Variants in PLSCR4 observed in about 807,000 individuals in gnomAD.
PLSCR4 encodes the protein phospholipid scramblase 4, also known as Ca(2+)-dependent phospholipid scramblase 4.
PLSCR4 carries 25 observed loss-of-function variants against 36.3 expected under a neutral mutation model. The observed-to-expected ratio is 0.69, with a 90% confidence interval of 0.50 to 0.96. The LOEUF is 0.96. Ranked by LOEUF, PLSCR4 falls within the 40% of genes least tolerant of loss-of-function variation. PLSCR4 has a pLI of 0.00. For missense variants in PLSCR4, 408 were observed against 414.7 expected (o/e 0.98, Z 0.14); for synonymous variants, 122 against 132.9 (o/e 0.92, Z 0.56).
chr3:146,224,234 G>A (rs1404961900), intron 1 of PLSCR4, among the ~76,000 whole-genome samples: 2 of 152,144 alleles, frequency 1.3e-5, no homozygotes, highest in Non-Finnish European at 2.9e-5. Context: ...ATCAATGGTA[G>A]ACTGAATAAA....
At chr3:146,248,276 G>A (rs2036420356) in intron 1 of PLSCR4, among the ~76,000 whole-genome samples, 1 of 152,124 alleles carries the variant, frequency 6.6e-6, no homozygotes, top group Non-Finnish European at 1.5e-5. Flanking sequence ...GTAAATGACA[G>A]CTAATATATT....
intron 1 of PLSCR4, among the ~76,000 whole-genome samples, chr3:146,243,757 A>C (rs1293182930): frequency 6.6e-6 from 1 of 152,214 alleles, no homozygotes; most frequent in Non-Finnish European, 1.5e-5. Flanking sequence ...TTAATGAGAC[A>C]GCGGACTCCA....
At chr3:146,205,424 C>A (rs1051122419) in intron 4 of PLSCR4, among the ~76,000 whole-genome samples, 7 of 151,976 alleles carry the variant, frequency 4.6e-5, no homozygotes. Flanking sequence ...AAACCTTCAC[C>A]TTTACATGGA....
chr3:146,250,262 C>T (rs1250699449), intron 1 of PLSCR4, among the ~76,000 whole-genome samples: 1 of 152,182 alleles, frequency 6.6e-6, no homozygotes, highest in Non-Finnish European at 1.5e-5. Context: ...ATTAGGCAAT[C>T]TATTCCCCTT....
At chr3:146,206,468 T>G in intron 4 of PLSCR4, 58 bp downstream of exon 4, 2 of 1,289,232 alleles carry the variant, frequency 1.6e-6, no homozygotes, top group Admixed American at 1.7e-5. Flanking sequence ...TTTTCTCTCT[T>G]TGTTGGATCC....
chr3:146,195,106 C>A lies in PLSCR4; in HGVS notation c.945+18G>T. 1 of 1,611,430 alleles carries A rather than the reference C, an allele frequency of 6.2e-7. No homozygotes were observed. Among genetic ancestry groups the A allele is most frequent in the African/African-American group, 1.3e-5 (1 of 74,948 alleles). On this transcript the variant is annotated intron_variant, in intron 8 of 8. Transcript: ENST00000354952. ...AAAGAACAACTCTCTCAGGATAACT[C>A]AAAAATAGAAGGCTTACAATGAGGA...
chr3:146,216,561 T>C (rs1167760844), intron 3 of PLSCR4, among the ~76,000 whole-genome samples: 2 of 152,226 alleles, frequency 1.3e-5, no homozygotes, highest in Admixed American at 6.5e-5. Context: ...GTAGATACTA[T>C]TATTATCCTT....
At chr3:146,230,520 T>C (rs749420428) in intron 1 of PLSCR4, among the ~76,000 whole-genome samples, 1 of 152,104 alleles carries the variant, frequency 6.6e-6, no homozygotes, top group Non-Finnish European at 1.5e-5. Context: ...AAGGGAGTGT[T>C]GGGGTCTTTG....
chr3:146,223,356 T>C (rs1463584018), intron 1 of PLSCR4, among the ~76,000 whole-genome samples: 1 of 152,196 alleles, frequency 6.6e-6, no homozygotes, highest in Admixed American at 6.6e-5. Flanking sequence ...GGCTATAATT[T>C]ACTGAATGCT....
In PLSCR4 at chr3:146,227,583, T is replaced by C. The variant is rs544286200; in HGVS notation, c.-21-5491A>G. Among the ~76,000 whole-genome samples the C allele has an allele frequency of 6.5e-4, 98 of 151,934 alleles. 1 individual carries two copies. Among genetic ancestry groups the C allele is most frequent in the African/African-American group, 2.3e-3 (95 of 41,226 alleles). ...ATTCTAGAACTCACACCAGGGATAT[T>C]TGGAAATTCAATCACAAAACTCAAC... is the stretch of plus-strand genomic sequence containing the variant. On this transcript the variant is annotated intron_variant, in intron 1 of 8. Transcript: ENST00000354952.
At chr3:146,232,357 A>G (rs1371908333) in intron 1 of PLSCR4, among the ~76,000 whole-genome samples, 1 of 152,070 alleles carries the variant, frequency 6.6e-6, no homozygotes, top group African/African-American at 2.4e-5. Flanking sequence ...TCAGAATCAT[A>G]TCTTTCTAAT....
At chr3:146,207,651 C>T (rs532223233) in intron 3 of PLSCR4, among the ~76,000 whole-genome samples, 5 of 152,078 alleles carry the variant, frequency 3.3e-5, no homozygotes, top group Non-Finnish European at 7.4e-5. Context: ...AAAGGCCCCA[C>T]TTCCAAGTAA....
At chr3:146,223,413 T>C (rs1051023010) in intron 1 of PLSCR4, among the ~76,000 whole-genome samples, 1 of 132,096 alleles carries the variant, frequency 7.6e-6, no homozygotes, top group Admixed American at 7.8e-5. Context: ...ATATCTCTGA[T>C]TATAACAACT....
At chr3:146,214,086 T>C (rs2034770603) in intron 3 of PLSCR4, among the ~76,000 whole-genome samples, 1 of 151,780 alleles carries the variant, frequency 6.6e-6, no homozygotes, top group Non-Finnish European at 1.5e-5. Flanking sequence ...TCCCTTAAGG[T>C]GGAAAGTTTG....
At chr3:146,212,282 T>C (rs1257563452) in intron 3 of PLSCR4, among the ~76,000 whole-genome samples, 1 of 152,098 alleles carries the variant, frequency 6.6e-6, no homozygotes, top group African/African-American at 2.4e-5. Context: ...TTTAATGTTA[T>C]TGTATGTGGA....
chr3:146,220,594 T>C (rs1169326205), intron 3 of PLSCR4, among the ~76,000 whole-genome samples: 1 of 152,176 alleles, frequency 6.6e-6, no homozygotes, highest in African/African-American at 2.4e-5. Flanking sequence ...ATGGAGAGAA[T>C]GTCATCAATA....
intron 3 of PLSCR4, among the ~76,000 whole-genome samples, chr3:146,211,086 G>C (rs72991439): frequency 0.027 from 4,155 of 152,042 alleles, 193 homozygotes; most frequent in African/African-American, 0.094. Flanking sequence ...CTCTAGCTAT[G>C]AGTGAAATTA....
intron 3 of PLSCR4, among the ~76,000 whole-genome samples, chr3:146,213,008 C>A (rs546461200): frequency 1.3e-5 from 2 of 152,102 alleles, no homozygotes; most frequent in African/African-American, 4.8e-5. Flanking sequence ...TAATATAGTA[C>A]ATACATTGAT....
chr3:146,207,717 C>T (rs750359020), intron 3 of PLSCR4, among the ~76,000 whole-genome samples: 2 of 152,058 alleles, frequency 1.3e-5, no homozygotes, highest in African/African-American at 2.4e-5. Context: ...TATAAACATT[C>T]AGCCCACAGC....
Sources: gnomAD v4.1 joint callset for allele counts (sites outside exome capture counted in the v4.1 genomes callset) on GRCh38, gnomAD v4.1.1 for gene constraint, MANE v1.5 for transcripts, NCBI Gene and HGNC (gene_info 2026-07-23, HGNC 2026-07-21) for gene names.